The following DST variants were observed in gnomAD, a reference collection of about 807,000 sequenced individuals.
The protein encoded by DST is bullous pemphigoid antigen.
A neutral mutation model predicts 875.2 loss-of-function variants in DST; 253 were observed. That is an observed-to-expected ratio of 0.29 (90% CI 0.26 to 0.32). DST has a LOEUF of 0.32. Among genes scored for constraint, DST ranks in the 10% least tolerant of loss-of-function variants. The pLI, the probability that DST is intolerant of heterozygous loss-of-function variation, is 1.00. For synonymous variants in DST, 3,124 were observed against 3,197.1 expected, an observed-to-expected ratio of 0.98 and a Z score of 0.77; for missense variants, 8,287 against 9,111.6, an observed-to-expected ratio of 0.91 and a Z score of 3.68.
chr6:56,628,198 C>T (rs765034682), intron 32 of DST, 37 bp from the exon 33 acceptor site: 13 of 1,579,220 alleles, frequency 8.2e-6, no homozygotes, highest in African/African-American at 2.7e-5. Context: ...CGGTGTCCAG[C>T]GATATCCATC....
chr6:56,675,309 G>T (rs544827475), intron 9 of DST, among the ~76,000 whole-genome samples: 1 of 152,222 alleles, frequency 6.6e-6, no homozygotes, highest in African/African-American at 2.4e-5. Context: ...AGCTACTAAA[G>T]AAAATGTAAG....
At chr6:56,791,554 A>G (rs2099723756) in intron 4 of DST, among the ~76,000 whole-genome samples, 1 of 152,162 alleles carries the variant, frequency 6.6e-6, no homozygotes, top group South Asian at 2.1e-4. Flanking sequence ...TGGGAGGCCG[A>G]GGTGGGAGGA....
intron 4 of DST, chr6:56,742,486 T>A: frequency 2.0e-6 from 1 of 503,672 alleles, no homozygotes; most frequent in African/African-American, 2.0e-5. Context: ...CACCTCCTTT[T>A]AAACAAATAT....
intron 4 of DST, among the ~76,000 whole-genome samples, chr6:56,764,280 A>C (rs1007845177): frequency 6.6e-6 from 1 of 152,220 alleles, no homozygotes; most frequent in Non-Finnish European, 1.5e-5. Context: ...AGCAACAAGC[A>C]CAATCTCCAA....
chr6:56,790,217 A>G (rs546113021), intron 4 of DST, among the ~76,000 whole-genome samples: 53 of 152,318 alleles, frequency 3.5e-4, no homozygotes, highest in African/African-American at 1.2e-3. Flanking sequence ...TTAACTGTCC[A>G]ATCATCTGTG....
chr6:56,847,163 A>T lies in DST; in HGVS notation c.625+4234T>A, dbSNP rs560667537. Among the ~76,000 whole-genome samples the T allele has an allele frequency of 6.6e-5, 10 of 151,936 alleles. No homozygotes were observed. The East Asian group carries it at 7.8e-4, about 12-fold the overall frequency. ...TGAGAACCCATCTCTATAAAAAAAAATTTTTAATAAGCCAAGCATGGTGGT... is the reference window on the plus strand; with the variant it reads ...TGAGAACCCATCTCTATAAAAAAAATTTTTTAATAAGCCAAGCATGGTGGT... On this transcript the variant is annotated intron_variant, in intron 4 of 103. Coordinates refer to ENST00000680361, the MANE Select transcript of DST (RefSeq NM_001374736.1).
intron 36 of DST, 33 bp downstream of exon 36, chr6:56,624,497 T>C (rs758991445): frequency 2.1e-6 from 3 of 1,438,642 alleles, no homozygotes; most frequent in South Asian, 2.3e-5. Context: ...CTAGCTCCTT[T>C]ATATTTACAG....
chr6:56,844,908 A>G (rs1323517223), intron 4 of DST, among the ~76,000 whole-genome samples: 1 of 151,466 alleles, frequency 6.6e-6, no homozygotes, highest in Non-Finnish European at 1.5e-5. Flanking sequence ...GCTGCTGTAC[A>G]TAGAATCTTC....
chr6:56,652,055 T>C (rs74940960), intron 10 of DST, among the ~76,000 whole-genome samples: 43 of 152,100 alleles, frequency 2.8e-4, no homozygotes, highest in Non-Finnish European at 5.9e-4. Context: ...TGAATGTCTA[T>C]AATAAGCAAT....
chr6:56,812,109 A>AAAAAGAAAGGAAAAG (rs2099760871), intron 4 of DST, among the ~76,000 whole-genome samples: 1 of 111,802 alleles, frequency 8.9e-6, no homozygotes, highest in African/African-American at 3.3e-5. Flanking sequence ...CTCAAAAAAA[A>AAAAAGAAAGGAAAAG]AAAAGAAAAG....
In DST at chr6:56,607,762, T is replaced by A. The variant is rs377291944; in HGVS notation, c.6866A>T (p.His2289Leu). ...FNKCHCGEPE[H>L]EETPENRKCA... is the part of the protein sequence containing the mutation. Reference sequence around the variant, plus strand: ...CTTTCTATTTTCAGGAGTCTCTTCATGTTCAGGTTCTCCACAGTGACATTT... The same window carrying A: ...CTTTCTATTTTCAGGAGTCTCTTCAAGTTCAGGTTCTCCACAGTGACATTT... Residue 2289 changes from histidine (H) to leucine (L), a missense_variant, in exon 40 of 104, where the codon CAT becomes CTT. Coordinates refer to ENST00000680361, the MANE Select transcript of DST (RefSeq NM_001374736.1). The A allele has an allele frequency of 6.2e-7, 1 of 1,613,396 alleles. No individual in the cohort carries two copies. The highest frequency in any genetic ancestry group is 1.7e-5 in the Admixed American group (1 of 59,968).
intron 3 of DST, among the ~76,000 whole-genome samples, chr6:56,876,707 G>A (rs1005420146): frequency 3.9e-5 from 6 of 152,138 alleles, no homozygotes; most frequent in South Asian, 2.1e-4. Context: ...TTAATCCCTC[G>A]ACAAATGTCC....
At chr6:56,813,823 T>C (rs2099763542) in intron 4 of DST, among the ~76,000 whole-genome samples, 1 of 152,198 alleles carries the variant, frequency 6.6e-6, no homozygotes, top group Non-Finnish European at 1.5e-5. Context: ...GAAATTTTTC[T>C]AATCCATTAT....
chr6:56,938,074 C>T (rs1161434487), intron 2 of DST, among the ~76,000 whole-genome samples: 1 of 78,814 alleles, frequency 1.3e-5, no homozygotes, highest in Admixed American at 1.5e-4. Flanking sequence ...TTACACCTCT[C>T]TCTCTCTTTC....
chr6:56,942,513 C>G (rs1410455536), intron 2 of DST, among the ~76,000 whole-genome samples: 1 of 151,860 alleles, frequency 6.6e-6, no homozygotes, highest in Non-Finnish European at 1.5e-5. Context: ...AAATATGCAT[C>G]CTTAACTTTT....
At position 56,608,062 on chromosome 6, in the gene DST, A is replaced by G. The variant is rs752767091; in HGVS notation, c.6566T>C (p.Val2189Ala). 3 of 1,613,506 alleles carry G rather than the reference A, an allele frequency of 1.9e-6. No individual in the cohort carries two copies. In the South Asian group the frequency reaches 3.3e-5, roughly 18 times the overall value. The change falls in exon 40 of 104, where the codon GTC becomes GCC. Residue 2189 changes from valine to alanine, a missense_variant. Transcript: ENST00000680361. ...AGTTTCTTCTGAGGTCTGAGTAGTG[A>G]CAGGTTCTTCTCCATCAAAAACATC... is the stretch of plus-strand genomic sequence containing the variant. The part of the protein sequence containing the change: ...EEDVFDGEEP[V>A]TTQTSEETKK...
At chr6:56,757,165 T>G (rs1262500828) in intron 4 of DST, among the ~76,000 whole-genome samples, 1 of 152,202 alleles carries the variant, frequency 6.6e-6, no homozygotes, top group Non-Finnish European at 1.5e-5. Context: ...CAGTGACAGA[T>G]GGCCCTATTA....
chr6:56,494,022 G>C lies in DST; in HGVS notation c.20382C>G (p.Leu6794=), dbSNP rs2152444069. The C allele has an allele frequency of 6.3e-7, 1 of 1,588,236 alleles. No homozygotes were observed. The highest frequency in any genetic ancestry group is 2.3e-5 in the East Asian group (1 of 44,416). The change falls in exon 83 of 104, where the codon CTC becomes CTG. Residue 6794 remains leucine, a synonymous_variant. Transcript: ENST00000680361. The part of the protein sequence containing the change: ...KEKWESVETK[L]NERKTKLEEA... Reference sequence around the variant, plus strand: ...TCAAAGCACATACTTTCCTTTCATTGAGTTTGGTTTCCACCGATTCCCATT... The same window carrying C: ...TCAAAGCACATACTTTCCTTTCATTCAGTTTGGTTTCCACCGATTCCCATT...
At chr6:56,941,074 T>C (rs1354310511) in intron 2 of DST, among the ~76,000 whole-genome samples, 2 of 152,158 alleles carry the variant, frequency 1.3e-5, no homozygotes, top group East Asian at 1.9e-4. Context: ...TTTCTACTTA[T>C]TTTGTGTTTA....
Sources: allele counts gnomAD v4.1 joint callset (sites outside exome capture counted in the v4.1 genomes callset), GRCh38; gene constraint gnomAD v4.1.1; transcripts MANE v1.5; gene names NCBI Gene and HGNC (gene_info 2026-07-23, HGNC 2026-07-21).